The following MRPS27 variants were observed in gnomAD, a reference collection of about 807,000 sequenced individuals.
MRPS27 encodes the protein small ribosomal subunit protein mS27.
MRPS27 carries 43 observed loss-of-function variants against 48.9 expected under a neutral mutation model. That is an observed-to-expected ratio of 0.88 (90% CI 0.69 to 1.13). MRPS27 has a LOEUF of 1.13. Among genes scored for constraint, MRPS27 ranks in the 50% most tolerant of loss-of-function variants. The probability of loss-of-function intolerance (pLI) is 0.00; values close to 1 mark genes in which losing one functional copy is unlikely to be tolerated. For missense variants in MRPS27, 467 were observed against 476.3 expected, an observed-to-expected ratio of 0.98 and a Z score of 0.18; for synonymous variants, 188 against 171.9, an observed-to-expected ratio of 1.09 and a Z score of -0.73.
intron 1 of MRPS27, among the ~76,000 whole-genome samples, chr5:72,319,528 AG>A (rs1487966499): frequency 1.4e-5 from 2 of 140,590 alleles, no homozygotes; most frequent in Non-Finnish European, 3.1e-5. Flanking sequence ...GGACACATTT[AG>A]GTTTTTCCTT....
At chr5:72,221,278 T>C (rs540001799) in intron 10 of MRPS27, 130 bp from the exon 11 acceptor site, 375 of 1,152,948 alleles carry the variant, frequency 3.3e-4, no homozygotes, top group Non-Finnish European at 4.2e-4. Context: ...AGTTTAGTCC[T>C]CATTCTAGTG....
At position 72,228,292 on chromosome 5, in the gene MRPS27, G is replaced by A. The variant is rs368374374; in HGVS notation, c.668C>T (p.Ser223Phe). The change falls in exon 8 of 11, where the codon TCC (serine) becomes TTC (phenylalanine). Residue 223 changes from serine to phenylalanine, a missense_variant. Coordinates refer to ENST00000261413, the MANE Select transcript of MRPS27 (RefSeq NM_015084.3). ...AAGAAGTGCATAGCCATACAACTGG[G>A]AACTGAAACCCACTGAGTTCTTTTG... is the stretch of plus-strand genomic sequence containing the variant. ...LKQKNSVGFS[S>F]QLYGYALLGK... 5.0e-5 allele frequency: 81 copies of A among 1,613,376 alleles called. No individual in the cohort carries two copies. Among genetic ancestry groups the A allele is most frequent in the Non-Finnish European group, 6.4e-5 (75 of 1,179,606 alleles).
At chr5:72,309,994 T>C (rs1194556321) in intron 2 of MRPS27, among the ~76,000 whole-genome samples, 1 of 152,100 alleles carries the variant, frequency 6.6e-6, no homozygotes, top group Non-Finnish European at 1.5e-5. Flanking sequence ...GTCCCGTACA[T>C]CAAAACACTG....
chr5:72,294,499 TA>T (rs1429351605), intron 4 of MRPS27: 1 of 152,228 alleles, frequency 6.6e-6, no homozygotes, highest in African/African-American at 2.4e-5. Context: ...ATCAGATTTT[TA>T]AAACTGAAAT....
intron 3 of MRPS27, among the ~76,000 whole-genome samples, chr5:72,296,753 A>G (rs1749993175): frequency 6.6e-6 from 1 of 152,220 alleles, no homozygotes; most frequent in Non-Finnish European, 1.5e-5. Flanking sequence ...AAAGAAAGGT[A>G]ATTTCTTTCC....
intron 4 of MRPS27, among the ~76,000 whole-genome samples, chr5:72,289,580 C>T (rs1030815410): frequency 2.0e-5 from 3 of 152,010 alleles, no homozygotes; most frequent in Non-Finnish European, 2.9e-5. Context: ...CACCACCACA[C>T]CCGGCTAATT....
intron 4 of MRPS27, among the ~76,000 whole-genome samples, chr5:72,284,010 A>G (rs993823622): frequency 3.9e-5 from 6 of 152,096 alleles, no homozygotes; most frequent in African/African-American, 1.2e-4. Flanking sequence ...TATAACATTT[A>G]CCAATTTTAA....
intron 4 of MRPS27, among the ~76,000 whole-genome samples, chr5:72,285,437 TATC>T (rs1175812775): frequency 1.3e-5 from 2 of 152,256 alleles, no homozygotes; most frequent in African/African-American, 4.8e-5. Context: ...TTTATCTACT[TATC>T]ATATCCTGGA....
chr5:72,312,702 C>T (rs1370671385), intron 2 of MRPS27, among the ~76,000 whole-genome samples: 1 of 150,806 alleles, frequency 6.6e-6, no homozygotes, highest in East Asian at 2.0e-4. Flanking sequence ...CTCACTGCAA[C>T]CTCTGCCTCC....
At chr5:72,299,523 A>G (rs950659737) in intron 2 of MRPS27, among the ~76,000 whole-genome samples, 1 of 152,244 alleles carries the variant, frequency 6.6e-6, no homozygotes, top group African/African-American at 2.4e-5. Context: ...ATATCAGGTT[A>G]TAGGTGTATA....
At chr5:72,241,117 A>C (rs971784801) in intron 4 of MRPS27, among the ~76,000 whole-genome samples, 1 of 152,202 alleles carries the variant, frequency 6.6e-6, no homozygotes, top group African/African-American at 2.4e-5. Context: ...AGCTCACTGC[A>C]GCCTTGAACT....
chr5:72,220,007 A>G lies in MRPS27; in HGVS notation c.*902T>C, dbSNP rs1320104291. The G allele has an allele frequency of 6.5e-6, 1 of 152,678 alleles. No homozygotes were observed. 9.5% of individuals were successfully genotyped at this position (152,678 alleles called of 1,614,324 possible). On this transcript the variant is annotated 3_prime_UTR_variant, in exon 11 of 11. Transcript: ENST00000261413. ...GGTGCCTAAAAATGGAAATCCAGTGAGTTCATGGCCTTGAGTTCACTCCTG... is the reference window on the plus strand; with the variant it reads ...GGTGCCTAAAAATGGAAATCCAGTGGGTTCATGGCCTTGAGTTCACTCCTG...
intron 2 of MRPS27, among the ~76,000 whole-genome samples, chr5:72,298,093 A>G (rs776820742): frequency 6.6e-6 from 1 of 152,228 alleles, no homozygotes; most frequent in Non-Finnish European, 1.5e-5. Context: ...GTAAACAGAC[A>G]ATCTACAGAA....
chr5:72,275,805 C>T (rs902363970), intron 4 of MRPS27, among the ~76,000 whole-genome samples: 6 of 152,068 alleles, frequency 3.9e-5, no homozygotes, highest in South Asian at 4.2e-4. Context: ...AAACTAATCC[C>T]GGTTGGCTAA....
At chr5:72,232,387 A>T (rs1748086299) in intron 7 of MRPS27, 56 bp downstream of exon 7, 2 of 1,327,694 alleles carry the variant, frequency 1.5e-6, no homozygotes, top group Non-Finnish European at 2.1e-6. Context: ...TTTGAGAGCA[A>T]GCCCCTGCTT....
intron 4 of MRPS27, among the ~76,000 whole-genome samples, chr5:72,287,656 C>CA (rs1440053605): frequency 2.6e-5 from 4 of 151,878 alleles, no homozygotes; most frequent in Non-Finnish European, 5.9e-5. Context: ...AACAAACAAA[C>CA]AAAAAAAATT....
intron 4 of MRPS27, among the ~76,000 whole-genome samples, chr5:72,279,353 G>A (rs1749471282): frequency 6.6e-6 from 1 of 152,068 alleles, no homozygotes; most frequent in Non-Finnish European, 1.5e-5. Context: ...ATATAATCTA[G>A]ATACTAATCT....
intron 2 of MRPS27, among the ~76,000 whole-genome samples, chr5:72,299,234 C>T (rs1326204142): frequency 6.6e-6 from 1 of 151,672 alleles, no homozygotes; most frequent in Non-Finnish European, 1.5e-5. Flanking sequence ...ATGTAACAAA[C>T]CTGCACATGT....
At chr5:72,275,330 A>T (rs2112023936) in intron 4 of MRPS27, among the ~76,000 whole-genome samples, 1 of 152,326 alleles carries the variant, frequency 6.6e-6, no homozygotes, top group East Asian at 1.9e-4. Context: ...AAGCAAAGTG[A>T]AGGACTTCTT....
Sources: gnomAD v4.1 joint callset for allele counts (sites outside exome capture counted in the v4.1 genomes callset) on GRCh38, gnomAD v4.1.1 for gene constraint, MANE v1.5 for transcripts, NCBI Gene and HGNC (gene_info 2026-07-23, HGNC 2026-07-21) for gene names.